PKNOX2: variants seen among roughly 807,000 people sequenced by gnomAD.
PKNOX2 encodes PBX/knotted 1 homeobox 2.
PKNOX2 carries 14 observed loss-of-function variants against 53.1 expected under a neutral mutation model. That is an observed-to-expected ratio of 0.26 (90% CI 0.17 to 0.41). PKNOX2 has a LOEUF of 0.41. Ranked by LOEUF, PKNOX2 falls within the 10% of genes least tolerant of loss-of-function variation. PKNOX2 has a pLI of 1.00. For synonymous variants in PKNOX2, 257 were observed against 242.8 expected, an observed-to-expected ratio of 1.06 and a Z score of -0.54; for missense variants, 496 against 602.8, an observed-to-expected ratio of 0.82 and a Z score of 1.85.
chr11:125,269,859 T>C (rs993675359), intron 2 of PKNOX2, among the ~76,000 whole-genome samples: 3 of 152,282 alleles, frequency 2.0e-5, no homozygotes, highest in African/African-American at 7.2e-5. Context: ...CTCACAAGGA[T>C]TGGCTTGGGG....
intron 7 of PKNOX2, among the ~76,000 whole-genome samples, chr11:125,409,349 C>T (rs928020066): frequency 1.3e-5 from 2 of 152,128 alleles, no homozygotes; most frequent in Admixed American, 6.5e-5. Flanking sequence ...CCTGGGCTAA[C>T]GCAAAGAAAA....
At chr11:125,212,491 G>T (rs1939975080) in intron 1 of PKNOX2, among the ~76,000 whole-genome samples, 1 of 124,522 alleles carries the variant, frequency 8.0e-6, no homozygotes, top group Admixed American at 1.0e-4. Context: ...GTCTTGCTCT[G>T]TTGCCCAGGG....
At chr11:125,322,289 T>C (rs920926156) in intron 2 of PKNOX2, among the ~76,000 whole-genome samples, 2 of 152,004 alleles carry the variant, frequency 1.3e-5, no homozygotes, top group African/African-American at 4.8e-5. Context: ...GTTTAGAGGG[T>C]ACTGGAGAAA....
chr11:125,222,736 T>C (rs1307976524), intron 1 of PKNOX2, among the ~76,000 whole-genome samples: 1 of 150,134 alleles, frequency 6.7e-6, no homozygotes, highest in Non-Finnish European at 1.5e-5. Flanking sequence ...TATGTGTGTG[T>C]GTCTGTGTCT....
chr11:125,235,856 T>G (rs1480393003), intron 2 of PKNOX2, among the ~76,000 whole-genome samples: 3 of 152,152 alleles, frequency 2.0e-5, no homozygotes, highest in Non-Finnish European at 4.4e-5. Context: ...TGTGAGCTCC[T>G]GGGGGGTAAA....
intron 1 of PKNOX2, among the ~76,000 whole-genome samples, chr11:125,176,407 G>A (rs1302665805): frequency 6.6e-6 from 1 of 152,210 alleles, no homozygotes. Context: ...TTCCTGCCGG[G>A]AGGGCTCACA....
intron 10 of PKNOX2, among the ~76,000 whole-genome samples, chr11:125,416,692 G>C (rs571875437): frequency 6.6e-6 from 1 of 152,168 alleles, no homozygotes; most frequent in African/African-American, 2.4e-5. Context: ...AGCATTCAGA[G>C]TGCTGCAGAC....
chr11:125,183,920 A>G (rs1466698779), intron 1 of PKNOX2, among the ~76,000 whole-genome samples: 1 of 152,108 alleles, frequency 6.6e-6, no homozygotes, highest in African/African-American at 2.4e-5. Flanking sequence ...AGCAAATGTG[A>G]TATGTTTCCT....
rs978090292 is a variant in PKNOX2, at chr11:125,316,824, G to T, written c.-129-14995G>T. Among the ~76,000 whole-genome samples the T allele has an allele frequency of 3.3e-5, 5 of 152,294 alleles. No homozygotes were observed. In the South Asian group the frequency reaches 1.0e-3, roughly 32 times the overall value. ...AGTTGCTGAAGGATGGGGTGGCTGT[G>T]GCAATTTCTTAAAATAAGACAACAA... On this transcript the variant is annotated intron_variant, in intron 2 of 12. Coordinates refer to ENST00000298282, the MANE Select transcript of PKNOX2 (RefSeq NM_001382323.2).
At chr11:125,172,401 C>A (rs947981283) in intron 1 of PKNOX2, among the ~76,000 whole-genome samples, 4 of 152,186 alleles carry the variant, frequency 2.6e-5, no homozygotes, top group African/African-American at 9.7e-5. Context: ...CCTAAGATCC[C>A]CTTTTTCCCT....
intron 7 of PKNOX2, 52 bp from the exon 8 acceptor site, chr11:125,410,144 G>C (rs1296861850): frequency 1.3e-6 from 2 of 1,597,360 alleles, no homozygotes; most frequent in African/African-American, 2.7e-5. Flanking sequence ...TGGGGCTGTA[G>C]GGTCTAAGCT....
intron 1 of PKNOX2, among the ~76,000 whole-genome samples, chr11:125,203,335 C>T (rs184625997): frequency 7.9e-5 from 12 of 152,264 alleles, no homozygotes; most frequent in East Asian, 5.8e-4. Flanking sequence ...CTTGAACTCC[C>T]GGGCTCAAGC....
chr11:125,256,960 T>C (rs1009632063), intron 2 of PKNOX2, among the ~76,000 whole-genome samples: 2 of 152,144 alleles, frequency 1.3e-5, no homozygotes, highest in Non-Finnish European at 2.9e-5. Flanking sequence ...CATTGTTTAC[T>C]GTTGCTCTCA....
chr11:125,386,564 C>G (rs189738797), intron 6 of PKNOX2, among the ~76,000 whole-genome samples: 185 of 152,216 alleles, frequency 1.2e-3, no homozygotes, highest in African/African-American at 4.2e-3. Context: ...AGGTTATGCA[C>G]AGTGAATTTA....
At chr11:125,251,490 C>T (rs1460415775) in intron 2 of PKNOX2, among the ~76,000 whole-genome samples, 1 of 152,116 alleles carries the variant, frequency 6.6e-6, no homozygotes, top group Non-Finnish European at 1.5e-5. Flanking sequence ...TTTTCAGCGA[C>T]AAAGATGTCT....
chr11:125,382,705 T>C lies in PKNOX2; in HGVS notation c.228-2846T>C, dbSNP rs577024794. On this transcript the variant is annotated intron_variant, in intron 5 of 12. Coordinates refer to ENST00000298282, the MANE Select transcript of PKNOX2 (RefSeq NM_001382323.2). ...GGTATTCCACTCAGGGCCAGGAGAA[T>C]CTTGCATTAAACTGGGATCAGGTTA... 5.9e-5 allele frequency among the ~76,000 whole-genome samples: 9 copies of C among 152,328 alleles called. No homozygotes were observed. The South Asian group carries it at 1.9e-3, about 32-fold the overall frequency.
Position 125,300,282 on chromosome 11 carries a change from A to G in PKNOX2, c.-129-31537A>G, listed in dbSNP as rs117587568. Among the ~76,000 whole-genome samples, 418 of 152,328 alleles carry G rather than the reference A, an allele frequency of 2.7e-3. 3 individuals carry two copies. The highest frequency in any genetic ancestry group is 5.1e-3 in the Non-Finnish European group (347 of 68,036). ...CCCTCCCTACCAGGCAATGACCACT[A>G]CTACTACTAATAATAGCAATAGCAG... On this transcript the variant is annotated intron_variant, in intron 2 of 12. Coordinates refer to ENST00000298282, the MANE Select transcript of PKNOX2 (RefSeq NM_001382323.2).
chr11:125,345,866 G>A (rs1376550107), intron 3 of PKNOX2, among the ~76,000 whole-genome samples: 1 of 152,174 alleles, frequency 6.6e-6, no homozygotes. Flanking sequence ...TAAGGCGACT[G>A]ATTACATGAT....
chr11:125,407,061 A>T (rs528499745), intron 7 of PKNOX2, among the ~76,000 whole-genome samples: 1 of 151,966 alleles, frequency 6.6e-6, no homozygotes, highest in East Asian at 1.9e-4. Context: ...TGCCCCACCT[A>T]AAACGTTGCC....
Sources: gnomAD v4.1 joint callset for allele counts (sites outside exome capture counted in the v4.1 genomes callset) on GRCh38, gnomAD v4.1.1 for gene constraint, MANE v1.5 for transcripts, NCBI Gene and HGNC (gene_info 2026-07-23, HGNC 2026-07-21) for gene names.